WWOX: variants seen among roughly 807,000 people sequenced by gnomAD.
WWOX encodes the protein WW domain-containing oxidoreductase.
A neutral mutation model predicts 46.2 loss-of-function variants in WWOX; 69 were observed. That is an observed-to-expected ratio of 1.49 (90% CI 1.23 to 1.82). The LOEUF is 1.82. Among genes scored for constraint, WWOX ranks in the 40% most tolerant of loss-of-function variants. The pLI, the probability that WWOX is intolerant of heterozygous loss-of-function variation, is 0.00. For missense variants in WWOX, 919 were observed against 542.6 expected (o/e 1.69, Z -6.89); for synonymous variants, 359 against 202.6 (o/e 1.77, Z -6.56).
At position 78,685,568 on chromosome 16, in the gene WWOX, A is replaced by G. The variant is rs552295517; in HGVS notation, c.1056+252816A>G. Reference sequence around the variant, plus strand: ...AAATGAAAATTAATGTTGAGAATCTAGTCAATCTGCCAGCAGTACGTACAT... The same window carrying G: ...AAATGAAAATTAATGTTGAGAATCTGGTCAATCTGCCAGCAGTACGTACAT... On this transcript the variant is annotated intron_variant, in intron 8 of 8. Transcript: ENST00000566780. Among the ~76,000 whole-genome samples, 27 of 152,356 alleles carry G rather than the reference A, an allele frequency of 1.8e-4. 1 individual carries two copies. The South Asian group carries it at 5.4e-3, about 30-fold the overall frequency.
chr16:78,219,019 T>C (rs543743148), intron 5 of WWOX, among the ~76,000 whole-genome samples: 1 of 152,358 alleles, frequency 6.6e-6, no homozygotes, highest in East Asian at 1.9e-4. Context: ...GTCCTTGGCG[T>C]CCAGGACTAA....
chr16:78,985,511 G>A (rs2046767700), intron 8 of WWOX, among the ~76,000 whole-genome samples: 1 of 152,210 alleles, frequency 6.6e-6, no homozygotes, highest in Non-Finnish European at 1.5e-5. Context: ...GGCTCACGCT[G>A]TAATCCCAGA....
chr16:78,201,914 T>C (rs1437675841), intron 5 of WWOX, among the ~76,000 whole-genome samples: 1 of 152,024 alleles, frequency 6.6e-6, no homozygotes, highest in Non-Finnish European at 1.5e-5. Flanking sequence ...TTGCCCAGGC[T>C]GGTCACGAAC....
intron 8 of WWOX, among the ~76,000 whole-genome samples, chr16:78,690,207 G>A (rs1024070842): frequency 6.6e-6 from 1 of 152,092 alleles, no homozygotes; most frequent in African/African-American, 2.4e-5. Flanking sequence ...AACTTTTTGA[G>A]GACCATGTGT....
At chr16:78,427,524 A>G (rs2151961872) in intron 7 of WWOX, among the ~76,000 whole-genome samples, 1 of 151,392 alleles carries the variant, frequency 6.6e-6, no homozygotes, top group South Asian at 2.1e-4. Flanking sequence ...ACACAAAATC[A>G]CACATACACG....
chr16:78,722,350 T>C (rs962330210), intron 8 of WWOX, among the ~76,000 whole-genome samples: 2 of 152,152 alleles, frequency 1.3e-5, no homozygotes, highest in African/African-American at 4.8e-5. Context: ...ATCTGTAAAA[T>C]GGAGATCGCA....
chr16:78,851,422 A>G (rs1186511853), intron 8 of WWOX, among the ~76,000 whole-genome samples: 2 of 152,254 alleles, frequency 1.3e-5, no homozygotes, highest in Admixed American at 1.3e-4. Flanking sequence ...GCCAAGTGAC[A>G]TTGTAAGTTA....
chr16:78,651,769 T>C (rs528700235), intron 8 of WWOX, among the ~76,000 whole-genome samples: 3 of 152,334 alleles, frequency 2.0e-5, no homozygotes, highest in African/African-American at 4.8e-5. Context: ...TATCAACTTA[T>C]GCTTTGGAAC....
Position 78,131,706 on chromosome 16 carries a change from T to C in WWOX, c.409+16552T>C, listed in dbSNP as rs549956321. On this transcript the variant is annotated intron_variant, in intron 4 of 8. Transcript: ENST00000566780. ...AAGCGATTCTCCTGCCTCAGCCTCCTGAGTAGCTGGGATTACAGGTGTGTG... is the reference window on the plus strand; with the variant it reads ...AAGCGATTCTCCTGCCTCAGCCTCCCGAGTAGCTGGGATTACAGGTGTGTG... Among the ~76,000 whole-genome samples the C allele has an allele frequency of 6.6e-5, 10 of 150,700 alleles. No individual in the cohort carries two copies. The East Asian group carries it at 2.0e-3, about 30-fold the overall frequency.
At chr16:78,788,508 A>C (rs571509726) in intron 8 of WWOX, among the ~76,000 whole-genome samples, 36 of 152,246 alleles carry the variant, frequency 2.4e-4, no homozygotes, top group Admixed American at 5.9e-4. Context: ...ATAAAAACCC[A>C]AGAGGGCTGG....
intron 8 of WWOX, among the ~76,000 whole-genome samples, chr16:79,030,321 G>C (rs551131022): frequency 1.3e-5 from 2 of 152,322 alleles, no homozygotes; most frequent in East Asian, 3.9e-4. Flanking sequence ...TGCGTACGCA[G>C]ATCTTCTGAA....
chr16:78,471,811 C>G (rs1462563484), intron 8 of WWOX, among the ~76,000 whole-genome samples: 1 of 152,092 alleles, frequency 6.6e-6, no homozygotes. Context: ...GGAGTGGTGT[C>G]ATATCATGAA....
intron 5 of WWOX, among the ~76,000 whole-genome samples, chr16:78,174,713 T>G (rs2035275125): frequency 6.6e-6 from 1 of 152,054 alleles, no homozygotes; most frequent in Admixed American, 6.6e-5. Flanking sequence ...GGTGGCCGGG[T>G]GTGGTGGCTC....
At chr16:78,301,972 TC>T (rs1370890654) in intron 5 of WWOX, among the ~76,000 whole-genome samples, 1 of 151,718 alleles carries the variant, frequency 6.6e-6, no homozygotes, top group Admixed American at 6.6e-5. Context: ...TTTTTTTTTT[TC>T]TTTTTGAGAC....
intron 8 of WWOX, among the ~76,000 whole-genome samples, chr16:79,020,434 G>A (rs1216277349): frequency 3.3e-5 from 5 of 152,164 alleles, no homozygotes; most frequent in Non-Finnish European, 5.9e-5. Context: ...TTGTGGCTCA[G>A]TTTCTTCATA....
chr16:78,498,984 T>A (rs2084987419), intron 8 of WWOX, among the ~76,000 whole-genome samples: 1 of 152,250 alleles, frequency 6.6e-6, no homozygotes, highest in Non-Finnish European at 1.5e-5. Flanking sequence ...AAGGAATACT[T>A]CTGAAGGCTT....
intron 1 of WWOX, among the ~76,000 whole-genome samples, chr16:78,103,889 A>G (rs904050605): frequency 1.4e-4 from 21 of 151,720 alleles, no homozygotes; most frequent in African/African-American, 4.8e-4. Flanking sequence ...CACCTGCCTC[A>G]CGGTTCACTT....
At chr16:78,542,134 T>C (rs1341414655) in intron 8 of WWOX, among the ~76,000 whole-genome samples, 1 of 150,540 alleles carries the variant, frequency 6.6e-6, no homozygotes, top group Non-Finnish European at 1.5e-5. Flanking sequence ...CTCCCAAATT[T>C]CTATCGACAC....
At chr16:79,029,842 C>T (rs922391436) in intron 8 of WWOX, among the ~76,000 whole-genome samples, 2 of 152,142 alleles carry the variant, frequency 1.3e-5, no homozygotes, top group African/African-American at 4.8e-5. Flanking sequence ...ACATTGTTTA[C>T]TGTCTTCAAA....
Sources: allele counts gnomAD v4.1 joint callset (sites outside exome capture counted in the v4.1 genomes callset), GRCh38; gene constraint gnomAD v4.1.1; transcripts MANE v1.5; gene names NCBI Gene and HGNC (gene_info 2026-07-23, HGNC 2026-07-21).